The following PCDHGB7 variants were observed in gnomAD, a reference collection of about 807,000 sequenced individuals.
The protein encoded by PCDHGB7 is protocadherin gamma subfamily B, 7, also known as protocadherin gamma-B7.
In PCDHGB7, 37 loss-of-function variants were observed where a neutral mutation model predicts 61.4. That is an observed-to-expected ratio of 0.60 (90% CI 0.46 to 0.79). The LOEUF (loss-of-function observed/expected upper bound fraction) is 0.79, where lower values mean the gene tolerates loss of function less well. Ranked by LOEUF, PCDHGB7 falls within the 30% of genes least tolerant of loss-of-function variation. The pLI is 0.00. For missense variants in PCDHGB7, 1,166 were observed against 1,202.5 expected, an observed-to-expected ratio of 0.97 and a Z score of 0.45; for synonymous variants, 464 against 503.5, an observed-to-expected ratio of 0.92 and a Z score of 1.05.
Position 141,423,257 on chromosome 5 carries a change from G to T in PCDHGB7, c.2415+2983G>T, listed in dbSNP as rs1412429501. ...ATCCCCGAAGTCCTGGCGGACCTCG[G>T]CAGCCTCGAGTCTCTGGCTAACTCT... On this transcript the variant is annotated intron_variant, in intron 1 of 3. Transcript: ENST00000398594. The T allele has an allele frequency of 8.7e-6, 14 of 1,613,946 alleles. No individual in the cohort carries two copies. The highest frequency in any genetic ancestry group is 1.3e-5 in the African/African-American group (1 of 75,060).
At chr5:141,468,560 T>G (rs571224791) in intron 1 of PCDHGB7, 1 of 152,004 alleles carries the variant, frequency 6.6e-6, no homozygotes, top group Non-Finnish European at 1.5e-5. Flanking sequence ...ATTTGTGATA[T>G]AGTAAACAAT....
At position 141,494,781 on chromosome 5, in the gene PCDHGB7, C is replaced by A. The variant is rs145360252; in HGVS notation, c.2416-26C>A. On this transcript the variant is annotated intron_variant, in intron 1 of 3. Coordinates refer to ENST00000398594, the MANE Select transcript of PCDHGB7 (RefSeq NM_018927.4). ...ATTCTAACTTCTCACGGGTACTCAG[C>A]CCCTTTCCCTCTGTTTTCTCCACAG... 6,156 of 1,614,074 alleles carry A rather than the reference C, an allele frequency of 3.8e-3. 13 individuals are homozygous for A. Among genetic ancestry groups the A allele is most frequent in the Middle Eastern group, 8.1e-3 (49 of 6,062 alleles).
At position 141,511,855 on chromosome 5, in the gene PCDHGB7, ATTGT is replaced by A. The variant is rs2099883980; in HGVS notation, c.*686_*689del. ...GGACCAGTCTTCTGTTTTGTTTTTCATTGTTTGACGTTTCCACTGCATGCCTTGA... is the reference window on the plus strand; with the variant it reads ...GGACCAGTCTTCTGTTTTGTTTTTCATTGACGTTTCCACTGCATGCCTTGA... On this transcript the variant is annotated 3_prime_UTR_variant, in exon 4 of 4. Coordinates refer to ENST00000398594, the MANE Select transcript of PCDHGB7 (RefSeq NM_018927.4). 1 of 156,316 alleles carries A rather than the reference ATTGT, an allele frequency of 6.4e-6. No individual in the cohort carries two copies. Among genetic ancestry groups the A allele is most frequent in the South Asian group, 2.0e-4 (1 of 5,082 alleles). The allele number at this position is 156,316 out of a possible 1,614,324, so 9.7% of individuals were successfully genotyped here.
At chr5:141,484,071 T>C (rs1405337642) in intron 1 of PCDHGB7, among the ~76,000 whole-genome samples, 1 of 152,144 alleles carries the variant, frequency 6.6e-6, no homozygotes, top group Non-Finnish European at 1.5e-5. Flanking sequence ...GTGAAAAGCT[T>C]GCTCTTTTGA....
At position 141,418,882 on chromosome 5, in the gene PCDHGB7, C is replaced by G; in HGVS notation, c.1023C>G (p.Asn341Lys). 1.2e-6 allele frequency: 2 copies of G among 1,613,960 alleles called. No homozygotes were observed. Among genetic ancestry groups the G allele is most frequent in the Non-Finnish European group, 1.7e-6 (2 of 1,179,852 alleles). The change falls in exon 1 of 4, where the codon AAC (asparagine) becomes AAG (lysine). Residue 341 changes from asparagine to lysine, a missense_variant. Coordinates refer to ENST00000398594, the MANE Select transcript of PCDHGB7 (RefSeq NM_018927.4). Reference protein sequence around the residue: ...CKVIVEVVDENDNSPEIIITS... With the variant: ...CKVIVEVVDEKDNSPEIIITS... ...TAATTGTAGAAGTTGTAGACGAAAACGACAACAGCCCAGAAATAATCATCA... is the reference window on the plus strand; with the variant it reads ...TAATTGTAGAAGTTGTAGACGAAAAGGACAACAGCCCAGAAATAATCATCA...
At chr5:141,438,571 T>TATAC (rs1212381177) in intron 1 of PCDHGB7, among the ~76,000 whole-genome samples, 15 of 94,542 alleles carry the variant, frequency 1.6e-4, no homozygotes, top group South Asian at 1.0e-3. Flanking sequence ...AGCTGTCTGA[T>TATAC]ATACATACAT....
At chr5:141,483,122 A>G (rs1159736878) in intron 1 of PCDHGB7, among the ~76,000 whole-genome samples, 1 of 152,166 alleles carries the variant, frequency 6.6e-6, no homozygotes, top group Non-Finnish European at 1.5e-5. Context: ...CAGTCTTTGT[A>G]GGAGATGAGG....
intron 1 of PCDHGB7, among the ~76,000 whole-genome samples, chr5:141,458,380 G>T (rs1592559992): frequency 6.6e-6 from 1 of 152,136 alleles, no homozygotes; most frequent in African/African-American, 2.4e-5. Flanking sequence ...AAGAGAGAAG[G>T]AAGACGCTCC....
Position 141,432,466 on chromosome 5 carries a change from G to A in PCDHGB7, c.2415+12192G>A, listed in dbSNP as rs149116648. 5.7e-4 allele frequency: 913 copies of A among 1,614,208 alleles called. 6 individuals carry two copies. In the African/African-American group the frequency reaches 0.011, roughly 19 times the overall value. On this transcript the variant is annotated intron_variant, in intron 1 of 3. Transcript: ENST00000398594. This position sits in a 1 kb window ranked among gnomAD's most constrained non-coding sequence, Gnocchi z 6.0. The stretch of plus-strand genomic sequence containing the variant: ...AGATCCTGTACCCCGCCCTCCCCAC[G>A]GACGGTTCCACTGGCGTGGAGCTGG...
rs1187072972 is a variant in PCDHGB7 at position 141,487,553 on chromosome 5, C to T, written c.2416-7254C>T. 4 of 1,614,050 alleles carry T rather than the reference C, an allele frequency of 2.5e-6. No individual in the cohort carries two copies. The African/African-American group carries it at 4.0e-5, about 16-fold the overall frequency. On this transcript the variant is annotated intron_variant, in intron 1 of 3. Coordinates refer to ENST00000398594, the MANE Select transcript of PCDHGB7 (RefSeq NM_018927.4). The surrounding 1 kb of genome is among the most constrained non-coding windows in gnomAD (Gnocchi z 5.0). ...CATGATGGTGAAGTCACCCAGTGCA[C>T]CTATGGCAGGGGAGCCTGTTCGCCC...
chr5:141,426,090 T>G (rs545457395), intron 1 of PCDHGB7, among the ~76,000 whole-genome samples: 1 of 152,246 alleles, frequency 6.6e-6, no homozygotes, highest in African/African-American at 2.4e-5. Context: ...CAGGACGATA[T>G]TCTGTTCAGT....
chr5:141,494,812 C>G lies in PCDHGB7; in HGVS notation c.2421C>G (p.Ala807=). The part of the protein sequence containing the change: ...EADKKILKQQ[A]PPNTDWRFSQ... ...TCCCTCTGTTTTCTCCACAGCAAGCCCCGCCCAACACGGACTGGCGTTTCT... is the reference window on the plus strand; with the variant it reads ...TCCCTCTGTTTTCTCCACAGCAAGCGCCGCCCAACACGGACTGGCGTTTCT... The change falls in exon 2 of 4, where the codon GCC becomes GCG. Residue 807 remains alanine, a synonymous_variant. Coordinates refer to ENST00000398594, the MANE Select transcript of PCDHGB7 (RefSeq NM_018927.4). 4 of 1,614,146 alleles carry G rather than the reference C, an allele frequency of 2.5e-6. No homozygotes were observed. The highest frequency in any genetic ancestry group is 3.4e-6 in the Non-Finnish European group (4 of 1,180,016).
chr5:141,487,451 A>G lies in PCDHGB7; in HGVS notation c.2416-7356A>G. 6.2e-7 allele frequency: 1 copy of G among 1,614,122 alleles called. No homozygotes were observed. Among genetic ancestry groups the G allele is most frequent in the Non-Finnish European group, 8.5e-7 (1 of 1,180,006 alleles). On this transcript the variant is annotated intron_variant, in intron 1 of 3. Transcript: ENST00000398594. This position sits in a 1 kb window ranked among gnomAD's most constrained non-coding sequence, Gnocchi z 5.0. ...AATCCAGCTAGGGTCAGATGACCCT[A>G]TCAAGTTTGTTGATGTGGGAGGCCA...
intron 1 of PCDHGB7, among the ~76,000 whole-genome samples, chr5:141,464,625 T>C (rs1477206347): frequency 6.6e-6 from 1 of 152,190 alleles, no homozygotes; most frequent in East Asian, 1.9e-4. Context: ...TGTCAAGCTT[T>C]TTAATTGTTG....
chr5:141,418,230 A>T lies in PCDHGB7; in HGVS notation c.371A>T (p.Glu124Val), dbSNP rs745395585. The T allele has an allele frequency of 6.2e-7, 1 of 1,614,058 alleles. No individual in the cohort carries two copies. The highest frequency in any genetic ancestry group is 8.5e-7 in the Non-Finnish European group (1 of 1,179,900). The part of the protein sequence containing the change: ...LNIFHVIVVI[E>V]DVNDHAPQFR... ...ATTTTTCATGTCATTGTGGTGATTG[A>T]GGATGTTAATGACCACGCCCCTCAA... is the stretch of plus-strand genomic sequence containing the variant. The change falls in exon 1 of 4, where the codon GAG becomes GTG. Residue 124 changes from glutamate to valine, a missense_variant. Coordinates refer to ENST00000398594, the MANE Select transcript of PCDHGB7 (RefSeq NM_018927.4).
At chr5:141,427,525 C>T (rs779318429) in intron 1 of PCDHGB7, 9 of 611,980 alleles carry the variant, frequency 1.5e-5, no homozygotes, top group South Asian at 3.0e-5. Flanking sequence ...GAGCGGATCC[C>T]GGAGTACAAC....
At chr5:141,453,451 T>C (rs1052905667) in intron 1 of PCDHGB7, among the ~76,000 whole-genome samples, 1 of 152,096 alleles carries the variant, frequency 6.6e-6, no homozygotes, top group Non-Finnish European at 1.5e-5. Flanking sequence ...TTTTTGAATA[T>C]GTAAAACATT....
chr5:141,432,084 T>A lies in PCDHGB7; in HGVS notation c.2415+11810T>A, dbSNP rs1372151428. 1.2e-6 allele frequency: 2 copies of A among 1,614,186 alleles called. No individual in the cohort carries two copies. Among genetic ancestry groups the A allele is most frequent in the Admixed American group, 1.7e-5 (1 of 60,022 alleles). On this transcript the variant is annotated intron_variant, in intron 1 of 3. Transcript: ENST00000398594. This position sits in a 1 kb window ranked among gnomAD's most constrained non-coding sequence, Gnocchi z 6.0. Reference sequence around the variant, plus strand: ...ACGGAAACTCATATCTCGCTGAACGTGGCAGACACCAACGACAACCCGCCG... The same window carrying A: ...ACGGAAACTCATATCTCGCTGAACGAGGCAGACACCAACGACAACCCGCCG...
At position 141,421,681 on chromosome 5, in the gene PCDHGB7, C is replaced by T. The variant is rs750692137; in HGVS notation, c.2415+1407C>T. 4 of 1,613,858 alleles carry T rather than the reference C, an allele frequency of 2.5e-6. No homozygotes were observed. In the South Asian group the frequency reaches 4.4e-5, roughly 18 times the overall value. Reference sequence around the variant, plus strand: ...CAGTGAGCACGCAATTCCTGGGGCGCGATTTGCTCTTCCTAATGCTAGGGA... The same window carrying T: ...CAGTGAGCACGCAATTCCTGGGGCGTGATTTGCTCTTCCTAATGCTAGGGA... On this transcript the variant is annotated intron_variant, in intron 1 of 3. Coordinates refer to ENST00000398594, the MANE Select transcript of PCDHGB7 (RefSeq NM_018927.4).
Sources: gnomAD v4.1 joint callset for allele counts (sites outside exome capture counted in the v4.1 genomes callset) on GRCh38, gnomAD v4.1.1 for gene constraint, Gnocchi (gnomAD v3.1) non-coding constraint, MANE v1.5 for transcripts, NCBI Gene and HGNC (gene_info 2026-07-23, HGNC 2026-07-21) for gene names.